EMSY: variants seen among roughly 807,000 people sequenced by gnomAD.
EMSY encodes EMSY transcriptional repressor, BRCA2 interacting, also known as BRCA2-interacting transcriptional repressor EMSY.
Under a neutral mutation model 134.6 loss-of-function variants are expected in EMSY, and 26 were observed. The ratio of observed to expected loss-of-function variants is 0.19; its 90% CI spans 0.14 to 0.27. EMSY has a LOEUF of 0.27. EMSY is among the 10% of genes least tolerant of loss of function. EMSY has a pLI of 1.00. For synonymous variants in EMSY, 579 were observed against 577.8 expected (o/e 1.00, Z -0.03); for missense variants, 1,305 against 1,611.4 (o/e 0.81, Z 3.26).
At position 76,518,703 on chromosome 11, in the gene EMSY, A is replaced by G. The variant is rs200855054; in HGVS notation, c.1684+2391A>G. 5.4e-5 allele frequency among the ~76,000 whole-genome samples: 7 copies of G among 130,196 alleles called. No individual in the cohort carries two copies. The South Asian group carries it at 1.8e-3, about 34-fold the overall frequency. 85.4% of individuals were successfully genotyped at this position (130,196 alleles called of 152,430 possible). On this transcript the variant is annotated intron_variant, in intron 11 of 20. Coordinates refer to ENST00000334736, the Ensembl canonical transcript of EMSY. ...TGCGCGCATATATATATATATATATATTTTTTTTTTAATTGGGATCTAATA... is the reference window on the plus strand; with the variant it reads ...TGCGCGCATATATATATATATATATGTTTTTTTTTTAATTGGGATCTAATA...
At chr11:76,476,728 C>T (rs1276929836) in intron 8 of EMSY, among the ~76,000 whole-genome samples, 3 of 151,992 alleles carry the variant, frequency 2.0e-5, no homozygotes, top group African/African-American at 7.3e-5. Context: ...TGAGATGTTC[C>T]AGGTTCATCT....
chr11:76,468,996 A>G (rs772949662), intron 7 of EMSY, among the ~76,000 whole-genome samples: 1 of 152,166 alleles, frequency 6.6e-6, no homozygotes, highest in Non-Finnish European at 1.5e-5. Flanking sequence ...TTTAAAGTAC[A>G]AGTAGGTTTC....
chr11:76,458,317 A>G (rs747891018), exon 5 of EMSY: 3 of 1,613,574 alleles, frequency 1.9e-6, no homozygotes, highest in Non-Finnish European at 2.5e-6. Context: ...ATCCAGCATA[A>G]TGCATCTCTT....
chr11:76,445,497 C>T (rs564338825), intron 1 of EMSY, among the ~76,000 whole-genome samples: 2 of 152,150 alleles, frequency 1.3e-5, no homozygotes, highest in African/African-American at 2.4e-5. Context: ...TTGGGACCGG[C>T]GCCGAGAGGT....
intron 9 of EMSY, among the ~76,000 whole-genome samples, chr11:76,502,383 A>T (rs531196222): frequency 2.3e-4 from 34 of 148,044 alleles, no homozygotes; most frequent in East Asian, 5.9e-4. Context: ...ATTTTTTTTT[A>T]AAAAAAGCAT....
chr11:76,516,363 A>G, intron 11 of EMSY, 51 bp downstream of exon 12: 4 of 1,206,574 alleles, frequency 3.3e-6, no homozygotes, highest in East Asian at 2.7e-5. Flanking sequence ...CATTGAGAGG[A>G]AAAAAAAAAC....
intron 3 of EMSY, 72 bp from the exon 4 acceptor site, chr11:76,453,242 T>C: frequency 2.1e-6 from 3 of 1,431,582 alleles, no homozygotes; most frequent in Middle Eastern, 1.7e-4. Context: ...AAATGTTGAC[T>C]TAAACATTAA....
rs143385811 is a variant in EMSY at position 76,549,895 on chromosome 11, G to A, written c.3775-57G>A. On this transcript the variant is annotated intron_variant, in intron 20 of 20. Transcript: ENST00000334736. ...TTTTTTTTTTCTTGATATTGTTGGG[G>A]AAGTTATTCTGCTACCTTTTCTTAC... 4.3e-4 allele frequency: 601 copies of A among 1,387,386 alleles called. 10 individuals are homozygous for A. The East Asian group carries it at 0.014, about 32-fold the overall frequency. The allele number at this position is 1,387,386 out of a possible 1,614,324, so 85.9% of individuals were successfully genotyped here. A position where few individuals can be genotyped will look rare whatever the true frequency, so the allele number is the denominator to read the frequency against.
chr11:76,542,310 G>A (rs776944752), exon 18 of EMSY: 13 of 1,614,008 alleles, frequency 8.1e-6, no homozygotes, highest in Non-Finnish European at 1.1e-5. Context: ...AGACTTCGGT[G>A]GTGGTGAAGT....
exon 9 of EMSY, chr11:76,496,422 C>T: frequency 6.2e-6 from 10 of 1,614,166 alleles, no homozygotes; most frequent in Non-Finnish European, 8.5e-6. Flanking sequence ...CAGCAGTCTC[C>T]TTTGCCACCT....
intron 8 of EMSY, among the ~76,000 whole-genome samples, chr11:76,494,860 C>G (rs993694368): frequency 6.6e-6 from 1 of 152,104 alleles, no homozygotes; most frequent in Non-Finnish European, 1.5e-5. Flanking sequence ...CTCACCTTCC[C>G]GAGTAGCTGG....
intron 7 of EMSY, 27 bp downstream of exon 8, chr11:76,464,107 G>GC (rs1367884489): frequency 6.2e-7 from 1 of 1,612,456 alleles, no homozygotes; most frequent in African/African-American, 1.3e-5. Flanking sequence ...GTCTCTGCCT[G>GC]CCAATTGTTT....
In EMSY at chr11:76,516,008, A is replaced by G. The variant is rs912352119; in HGVS notation, c.1514-134A>G. 4 of 705,818 alleles carry G rather than the reference A, an allele frequency of 5.7e-6. No individual in the cohort carries two copies. The African/African-American group carries it at 7.2e-5, about 13-fold the overall frequency. The allele number at this position is 705,818 out of a possible 1,614,324, so 43.7% of individuals were successfully genotyped here. A position where few individuals can be genotyped will look rare whatever the true frequency, so the allele number is the denominator to read the frequency against. On this transcript the variant is annotated intron_variant, in intron 10 of 20. Transcript: ENST00000334736. ...AAACTGGCTGTAAAATTATAAATTA[A>G]TGTCTTGACACCTTGAAATTCCATT...
intron 8 of EMSY, among the ~76,000 whole-genome samples, chr11:76,474,431 T>G (rs950265278): frequency 2.6e-5 from 4 of 152,212 alleles, no homozygotes; most frequent in Non-Finnish European, 5.9e-5. Flanking sequence ...TTGGAAATAT[T>G]CTAGTTTATG....
intron 16 of EMSY, among the ~76,000 whole-genome samples, chr11:76,539,368 A>G (rs1199761714): frequency 6.6e-6 from 1 of 152,188 alleles, no homozygotes; most frequent in Non-Finnish European, 1.5e-5. Flanking sequence ...CTTTGGCATC[A>G]TTTTAGGAGA....
rs191856178 is a variant in EMSY, at chr11:76,496,585, A to G, written c.1363+116A>G. On this transcript the variant is annotated intron_variant, in intron 9 of 20. Coordinates refer to ENST00000334736, the Ensembl canonical transcript of EMSY. ...ATTTATTTAGGTCTTTGACTTTTTC[A>G]TCAGTGTTTTACAGCTTTCAGCATA... 1.2e-4 allele frequency: 149 copies of G among 1,242,650 alleles called. 1 individual carries two copies. Among genetic ancestry groups the G allele is most frequent in the Non-Finnish European group, 1.6e-4 (136 of 862,610 alleles). The allele number at this position is 1,242,650 out of a possible 1,614,324, so 77.0% of individuals were successfully genotyped here. A position where few individuals can be genotyped will look rare whatever the true frequency, so the allele number is the denominator to read the frequency against.
Position 76,481,988 on chromosome 11 carries a change from T to C in EMSY, c.1108+9148T>C, listed in dbSNP as rs543998312. ...CCAGTAGGGGTTGATAGACACCTCA[T>C]ACAGGAGAGCTCTGGCTGGCATCTG... is the stretch of plus-strand genomic sequence containing the variant. On this transcript the variant is annotated intron_variant, in intron 8 of 20. Coordinates refer to ENST00000334736, the Ensembl canonical transcript of EMSY. 3.3e-5 allele frequency among the ~76,000 whole-genome samples: 5 copies of C among 152,256 alleles called. No individual in the cohort carries two copies. The South Asian group carries it at 1.0e-3, about 32-fold the overall frequency.
chr11:76,453,321 A>G lies in EMSY; in HGVS notation c.178A>G (p.Thr60Ala), dbSNP rs145663112. The stretch of plus-strand genomic sequence containing the variant: ...GGCTATTTTTCTTCATAGCATCTCA[A>G]CAGAACGCCACCGTGCTGAAGTTCG... Residue 60 changes from threonine to alanine, a missense_variant, in exon 4 of 21, where the codon ACA (threonine) becomes GCA (alanine). By Grantham distance (58) the Thr-to-Ala change is moderately conservative (BLOSUM62 0). Around this residue, in one of 7 missense-constraint regions of EMSY, gnomAD observed 28 missense variants for 74.7 expected, o/e 0.37. Coordinates refer to ENST00000334736, the Ensembl canonical transcript of EMSY. The G allele has an allele frequency of 1.2e-6, 2 of 1,612,760 alleles. No individual in the cohort carries two copies. Among genetic ancestry groups the G allele is most frequent in the Middle Eastern group, 1.6e-4 (1 of 6,062 alleles).
At chr11:76,537,332 A>T (rs1012647577) in intron 15 of EMSY, among the ~76,000 whole-genome samples, 2 of 152,162 alleles carry the variant, frequency 1.3e-5, no homozygotes, top group African/African-American at 4.8e-5. Flanking sequence ...ATTCCTTTGG[A>T]GATATCTTGA....
Sources: allele counts gnomAD v4.1 joint callset (sites outside exome capture counted in the v4.1 genomes callset), GRCh38; gene constraint gnomAD v4.1.1; regional missense constraint gnomAD v4.1.1; transcripts MANE v1.5; gene names NCBI Gene and HGNC (gene_info 2026-07-23, HGNC 2026-07-21).